MAP3K9: variants seen among roughly 807,000 people sequenced by gnomAD.
MAP3K9 encodes mixed lineage kinase 1 (tyr and ser/thr specificity).
MAP3K9 carries 46 observed loss-of-function variants against 95.8 expected under a neutral mutation model. The observed-to-expected ratio is 0.48, with a 90% CI of 0.38 to 0.61. The LOEUF (loss-of-function observed/expected upper bound fraction) is 0.61. Among genes scored for constraint, MAP3K9 ranks in the 20% least tolerant of loss-of-function variants. MAP3K9 has a pLI of 0.00. For synonymous variants in MAP3K9, 533 were observed against 593.8 expected (o/e 0.90, Z 1.49); for missense variants, 1,296 against 1,474.3 (o/e 0.88, Z 1.98).
chr14:70,753,353 A>C (rs1007744845), intron 3 of MAP3K9, among the ~76,000 whole-genome samples: 1 of 152,220 alleles, frequency 6.6e-6, no homozygotes, highest in Non-Finnish European at 1.5e-5. Flanking sequence ...TCAGAGAAGA[A>C]GTCTTTCTGG....
chr14:70,738,403 G>A lies in MAP3K9; in HGVS notation c.1691-5C>T, dbSNP rs774277914. 9 of 1,613,456 alleles carry A rather than the reference G, an allele frequency of 5.6e-6. No individual in the cohort carries two copies. In the South Asian group the frequency reaches 9.9e-5, roughly 18 times the overall value. On this transcript the variant is annotated splice_region_variant and splice_polypyrimidine_tract_variant and intron_variant, in intron 7 of 11. Transcript: ENST00000554752. ...TGCTGCTTTCACCTGGTGTCACTGTGAATCACAAGGGTTGGATAGGATCTA... is the reference window on the plus strand; with the variant it reads ...TGCTGCTTTCACCTGGTGTCACTGTAAATCACAAGGGTTGGATAGGATCTA...
intron 2 of MAP3K9, among the ~76,000 whole-genome samples, chr14:70,778,996 G>T (rs540244351): frequency 7.0e-6 from 1 of 142,362 alleles, no homozygotes; most frequent in Admixed American, 7.1e-5. Context: ...GTGCTGTAAC[G>T]AGAGGACAGG....
chr14:70,772,154 G>A (rs536032703), intron 2 of MAP3K9, among the ~76,000 whole-genome samples: 1 of 152,234 alleles, frequency 6.6e-6, no homozygotes, highest in South Asian at 2.1e-4. Context: ...CAGCAGCAAC[G>A]GTGGCCCCAG....
At chr14:70,738,064 G>T (rs910678500) in intron 8 of MAP3K9, among the ~76,000 whole-genome samples, 181 bp downstream of exon 8, 1 of 152,170 alleles carries the variant, frequency 6.6e-6, no homozygotes, top group African/African-American at 2.4e-5. Context: ...AGTTTTCCAT[G>T]CCTGTTCTAG....
chr14:70,750,380 CACT>C (rs1156865691), intron 3 of MAP3K9, among the ~76,000 whole-genome samples: 1 of 152,216 alleles, frequency 6.6e-6, no homozygotes, highest in Non-Finnish European at 1.5e-5. Context: ...GCACGAATAA[CACT>C]ATCAGTCTGG....
Position 70,761,108 on chromosome 14 carries a change from G to A in MAP3K9, c.895C>T (p.Arg299Trp), listed in dbSNP as rs757467747. 1.2e-6 allele frequency: 2 copies of A among 1,614,046 alleles called. No homozygotes were observed. Among genetic ancestry groups the A allele is most frequent in the Non-Finnish European group, 1.7e-6 (2 of 1,179,998 alleles). Residue 299 changes from arginine to tryptophan, a missense_variant, in exon 3 of 12, where the codon CGG becomes TGG. Physicochemically the swap from Arg to Trp is moderately radical, Grantham distance 101. Around this residue, in one of 5 missense-constraint regions of MAP3K9, gnomAD observed 136 missense variants for 221.5 expected, o/e 0.61. Transcript: ENST00000554752. ...ATCTTGGTGGTTCGGTGCCATTCCC[G>A]AGCCAGGCCAAAATCAGTGATCTTC... ...ILKITDFGLA[R>W]EWHRTTKMSA...
At chr14:70,761,537 T>C (rs966179313) in intron 2 of MAP3K9, among the ~76,000 whole-genome samples, 1 of 152,122 alleles carries the variant, frequency 6.6e-6, no homozygotes, top group African/African-American at 2.4e-5. Flanking sequence ...CCGAGACGGG[T>C]GGATCACCTG....
rs372499378 is a variant in MAP3K9 at position 70,730,578 on chromosome 14, A to G, written c.3117T>C (p.Ser1039=). 8 of 1,613,902 alleles carry G rather than the reference A, an allele frequency of 5.0e-6. No individual in the cohort carries two copies. The highest frequency in any genetic ancestry group is 2.2e-5 in the East Asian group (1 of 44,904). ...CAGGCCGCTCCTCTACAGTGCTGCT[A>G]CTGCTAGCAAAGCAGGAGTCCAGGT... The part of the protein sequence containing the change: ...PSNLDSCFAS[S]SSTVEERPGL... The change falls in exon 12 of 12, where the codon AGT becomes AGC. Residue 1039 remains serine, a synonymous_variant. Coordinates refer to ENST00000554752, the MANE Select transcript of MAP3K9 (RefSeq NM_001284230.2).
rs2053800711 is a variant in MAP3K9 at position 70,724,968 on chromosome 14, A to G, written c.*5412T>C. The G allele has an allele frequency of 6.6e-6, 1 of 152,244 alleles. No individual in the cohort carries two copies. The highest frequency in any genetic ancestry group is 2.4e-5 in the African/African-American group (1 of 41,444). 9.4% of individuals were successfully genotyped at this position (152,244 alleles called of 1,614,324 possible). On this transcript the variant is annotated 3_prime_UTR_variant, in exon 12 of 12. Coordinates refer to ENST00000554752, the MANE Select transcript of MAP3K9 (RefSeq NM_001284230.2). ...CCTGTCATGTCCACATCTGCCAATC[A>G]GCCTAGTAAAACTAGGTGATGAGTG... is the stretch of plus-strand genomic sequence containing the variant.
Position 70,736,040 on chromosome 14 carries a change from T to C in MAP3K9, c.1845-11A>G, listed in dbSNP as rs780642187. The C allele has an allele frequency of 3.1e-6, 5 of 1,597,854 alleles. No homozygotes were observed. The South Asian group carries it at 3.3e-5, about 11-fold the overall frequency. ...CGTCTCTGAGGGGATCTTCAATGAATAAAGAGAATCAGTAGCAGGCAATGG... is the reference window on the plus strand; with the variant it reads ...CGTCTCTGAGGGGATCTTCAATGAACAAAGAGAATCAGTAGCAGGCAATGG... On this transcript the variant is annotated splice_polypyrimidine_tract_variant and intron_variant, in intron 8 of 11. Coordinates refer to ENST00000554752, the MANE Select transcript of MAP3K9 (RefSeq NM_001284230.2).
At chr14:70,780,422 C>T (rs1161003914) in intron 2 of MAP3K9, among the ~76,000 whole-genome samples, 1 of 152,122 alleles carries the variant, frequency 6.6e-6, no homozygotes, top group African/African-American at 2.4e-5. Context: ...GAGGCCGTAC[C>T]CACTTCCCAC....
intron 5 of MAP3K9, among the ~76,000 whole-genome samples, chr14:70,746,516 A>G (rs1426315310): frequency 6.6e-6 from 1 of 152,230 alleles, no homozygotes; most frequent in Non-Finnish European, 1.5e-5. Context: ...GCCTTATAAC[A>G]GGGAGGCATC....
At position 70,786,486 on chromosome 14, in the gene MAP3K9, C is replaced by T. The variant is rs192922305; in HGVS notation, c.820+14181G>A. ...AATACTGAACACTGTTATCCTTCTACATAACATACCAAAGACCGAGTTCAT... is the reference window on the plus strand; with the variant it reads ...AATACTGAACACTGTTATCCTTCTATATAACATACCAAAGACCGAGTTCAT... On this transcript the variant is annotated intron_variant, in intron 2 of 11. Coordinates refer to ENST00000554752, the MANE Select transcript of MAP3K9 (RefSeq NM_001284230.2). Among the ~76,000 whole-genome samples, 10 of 152,192 alleles carry T rather than the reference C, an allele frequency of 6.6e-5. No homozygotes were observed. The East Asian group carries it at 1.7e-3, about 26-fold the overall frequency.
At position 70,725,761 on chromosome 14, in the gene MAP3K9, G is replaced by A. The variant is rs1475972609; in HGVS notation, c.*4619C>T. On this transcript the variant is annotated 3_prime_UTR_variant, in exon 12 of 12. Coordinates refer to ENST00000554752, the MANE Select transcript of MAP3K9 (RefSeq NM_001284230.2). The stretch of plus-strand genomic sequence containing the variant: ...GACCTAAAGCCAAAGAGAGAGGCAG[G>A]TACATTAGGGTGAACCATATGAAAT... The A allele has an allele frequency of 6.6e-6, 1 of 152,122 alleles. No homozygotes were observed. Among genetic ancestry groups the A allele is most frequent in the Non-Finnish European group, 1.5e-5 (1 of 68,016 alleles). The allele number at this position is 152,122 out of a possible 1,614,324, so 9.4% of individuals were successfully genotyped here. A position where few individuals can be genotyped will look rare whatever the true frequency, so the allele number is the denominator to read the frequency against.
intron 10 of MAP3K9, chr14:70,733,841 G>T: frequency 1.4e-6 from 1 of 717,648 alleles, no homozygotes; most frequent in Non-Finnish European, 2.6e-6. Context: ...TCAGTTTGCT[G>T]AGCTTCCTCT....
intron 2 of MAP3K9, among the ~76,000 whole-genome samples, chr14:70,787,847 G>A (rs565746329): frequency 1.3e-5 from 2 of 152,136 alleles, no homozygotes; most frequent in South Asian, 4.1e-4. Context: ...TTTTTGGTTG[G>A]CCACATTGGA....
chr14:70,762,531 T>G (rs961415077), intron 2 of MAP3K9, among the ~76,000 whole-genome samples: 1 of 152,194 alleles, frequency 6.6e-6, no homozygotes, highest in Non-Finnish European at 1.5e-5. Context: ...GAGTTTGTTG[T>G]CCATTTGTGT....
At position 70,760,886 on chromosome 14, in the gene MAP3K9, C is replaced by T. The variant is rs1336877134; in HGVS notation, c.1001+116G>A. 3.6e-6 allele frequency: 4 copies of T among 1,108,708 alleles called. No homozygotes were observed. In the African/African-American group the frequency reaches 4.6e-5, roughly 13 times the overall value. The allele number at this position is 1,108,708 out of a possible 1,614,324, so 68.7% of individuals were successfully genotyped here. A position where few individuals can be genotyped will look rare whatever the true frequency, so the allele number is the denominator to read the frequency against. On this transcript the variant is annotated intron_variant, in intron 3 of 11. Coordinates refer to ENST00000554752, the MANE Select transcript of MAP3K9 (RefSeq NM_001284230.2). ...CATAGATGACTCTTGGGGGAGGTCA[C>T]TTAGACCTACTTCAGGTGCCTGGGA...
intron 2 of MAP3K9, among the ~76,000 whole-genome samples, chr14:70,767,861 A>AT: frequency 6.6e-6 from 1 of 151,970 alleles, no homozygotes; most frequent in Non-Finnish European, 1.5e-5. Flanking sequence ...CTAATTTTTT[A>AT]TTTTTTGTAT....
Sources: allele counts gnomAD v4.1 joint callset (sites outside exome capture counted in the v4.1 genomes callset), GRCh38; gene constraint gnomAD v4.1.1; regional missense constraint gnomAD v4.1.1; transcripts MANE v1.5; gene names NCBI Gene and HGNC (gene_info 2026-07-23, HGNC 2026-07-21).